Variants in PLXNA2 observed in about 807,000 individuals in gnomAD.
The protein encoded by PLXNA2 is plexin-A2.
A neutral mutation model predicts 193.5 loss-of-function variants in PLXNA2; 91 were observed. The ratio of observed to expected loss-of-function variants is 0.47; its 90% CI spans 0.40 to 0.56. PLXNA2 has a LOEUF of 0.56. Ranked by LOEUF, PLXNA2 falls within the 20% of genes least tolerant of loss-of-function variation. PLXNA2 has a pLI of 0.00. For missense variants in PLXNA2, 1,995 were observed against 2,503.2 expected, an observed-to-expected ratio of 0.80 and a Z score of 4.33; for synonymous variants, 997 against 1,027.3, an observed-to-expected ratio of 0.97 and a Z score of 0.56.
At chr1:208,196,312 ACT>A (rs1327009030) in intron 3 of PLXNA2, among the ~76,000 whole-genome samples, 2 of 152,154 alleles carry the variant, frequency 1.3e-5, no homozygotes, top group Non-Finnish European at 2.9e-5. Context: ...AACCAAACAC[ACT>A]GTTTCCTAGG....
intron 11 of PLXNA2, among the ~76,000 whole-genome samples, chr1:208,081,286 T>C (rs1278780604): frequency 1.3e-5 from 2 of 152,230 alleles, no homozygotes; most frequent in African/African-American, 4.8e-5. Context: ...TTGATTTTAA[T>C]GGCAGCATTT....
In PLXNA2 at chr1:208,142,442, G is replaced by T. The variant is rs200374067; in HGVS notation, c.1393C>A (p.His465Asn). Reference sequence around the variant, plus strand: ...ACCATCTCGTACTGGACCCCACCATGGGGGGGACCGTCGGCCCGAATCTGT... The same window carrying T: ...ACCATCTCGTACTGGACCCCACCATTGGGGGGACCGTCGGCCCGAATCTGT... ...LKKIRADGPP[H>N]GGVQYEMVSV... Residue 465 changes from histidine (H) to asparagine (N), a missense_variant, in exon 4 of 32, where the codon CAT (histidine) becomes AAT (asparagine). By Grantham distance (68) the His-to-Asn change is moderately conservative (BLOSUM62 1). Transcript: ENST00000367033. 2 of 1,608,076 alleles carry T rather than the reference G, an allele frequency of 1.2e-6. No individual in the cohort carries two copies. Among genetic ancestry groups the T allele is most frequent in the African/African-American group, 1.3e-5 (1 of 74,594 alleles).
intron 12 of PLXNA2, among the ~76,000 whole-genome samples, chr1:208,062,806 C>T (rs1665660093): frequency 6.6e-6 from 1 of 152,140 alleles, no homozygotes; most frequent in Admixed American, 6.6e-5. Context: ...CTGACAGCCA[C>T]TATAGCTCAT....
rs1571835472 is a variant in PLXNA2 at position 208,026,990 on chromosome 1, C to T, written c.*253G>A. On this transcript the variant is annotated 3_prime_UTR_variant, in exon 32 of 32. Transcript: ENST00000367033. ...AGCTCGTGCCTCTCGGCTTGAAGAACCACCTTCTCCCGGCCCCGGGTTCTC... is the reference window on the plus strand; with the variant it reads ...AGCTCGTGCCTCTCGGCTTGAAGAATCACCTTCTCCCGGCCCCGGGTTCTC... The T allele has an allele frequency of 2.5e-6, 1 of 398,416 alleles. No homozygotes were observed. The highest frequency in any genetic ancestry group is 4.4e-5 in the East Asian group (1 of 22,934). 24.7% of individuals were successfully genotyped at this position (398,416 alleles called of 1,614,324 possible).
rs147356439 is a variant in PLXNA2 at position 208,150,657 on chromosome 1, C to G, written c.1372-8194G>C. ...GTTTCTAAATTGTGGCGTCTCTGCTCCCTCATCAGACAAGGGTGGATGAGG... is the reference window on the plus strand; with the variant it reads ...GTTTCTAAATTGTGGCGTCTCTGCTGCCTCATCAGACAAGGGTGGATGAGG... On this transcript the variant is annotated intron_variant, in intron 3 of 31. Transcript: ENST00000367033. Among the ~76,000 whole-genome samples the G allele has an allele frequency of 3.6e-4, 55 of 152,252 alleles. 2 individuals are homozygous for G. The East Asian group carries it at 0.01, about 28-fold the overall frequency.
intron 3 of PLXNA2, among the ~76,000 whole-genome samples, chr1:208,159,997 A>G (rs1362058661): frequency 6.6e-6 from 1 of 152,116 alleles, no homozygotes; most frequent in Non-Finnish European, 1.5e-5. Flanking sequence ...CCATGGATGG[A>G]TTCCAGATGG....
intron 6 of PLXNA2, among the ~76,000 whole-genome samples, chr1:208,098,314 G>A: frequency 6.6e-6 from 1 of 152,164 alleles, no homozygotes; most frequent in East Asian, 1.9e-4. Context: ...CTGAGGACAT[G>A]AAATATTTTG....
intron 3 of PLXNA2, among the ~76,000 whole-genome samples, chr1:208,143,247 T>A (rs976776945): frequency 6.6e-6 from 1 of 152,218 alleles, no homozygotes; most frequent in Non-Finnish European, 1.5e-5. Context: ...GTGAATTTAA[T>A]GAGTAGCCAG....
chr1:208,070,941 G>A (rs915899045), intron 12 of PLXNA2, among the ~76,000 whole-genome samples: 2 of 152,210 alleles, frequency 1.3e-5, no homozygotes, highest in East Asian at 1.9e-4. Flanking sequence ...TTGTTTTCAC[G>A]AGCGTCCTGT....
intron 3 of PLXNA2, among the ~76,000 whole-genome samples, chr1:208,154,863 A>G (rs1418835883): frequency 6.6e-6 from 1 of 152,242 alleles, no homozygotes; most frequent in Admixed American, 6.5e-5. Context: ...ACATGCCAGC[A>G]TGACAAGGCA....
chr1:208,234,248 C>G (rs1201734414), intron 1 of PLXNA2, among the ~76,000 whole-genome samples: 3 of 152,192 alleles, frequency 2.0e-5, no homozygotes, highest in Non-Finnish European at 2.9e-5. Context: ...TTCACATCCA[C>G]TGTGTGGGCC....
intron 4 of PLXNA2, among the ~76,000 whole-genome samples, chr1:208,108,008 A>C (rs1396427644): frequency 6.6e-6 from 1 of 152,148 alleles, no homozygotes; most frequent in Non-Finnish European, 1.5e-5. Flanking sequence ...CTCTTATTTA[A>C]AGGTGACTCA....
chr1:208,107,314 T>A (rs1477594157), intron 4 of PLXNA2, among the ~76,000 whole-genome samples: 1 of 152,168 alleles, frequency 6.6e-6, no homozygotes, highest in Non-Finnish European at 1.5e-5. Context: ...TCCGAGTGGG[T>A]CTTTTTAAAT....
chr1:208,111,903 G>T (rs899187533), intron 4 of PLXNA2, among the ~76,000 whole-genome samples: 1 of 152,196 alleles, frequency 6.6e-6, no homozygotes, highest in African/African-American at 2.4e-5. Context: ...ACAGCTGGAG[G>T]TTCCGGAGAC....
intron 4 of PLXNA2, among the ~76,000 whole-genome samples, chr1:208,109,076 C>T (rs563390626): frequency 2.6e-5 from 4 of 152,328 alleles, no homozygotes; most frequent in East Asian, 1.9e-4. Flanking sequence ...TGTCCTCACA[C>T]GTGTCCCCTG....
At chr1:208,177,105 C>T (rs1028493304) in intron 3 of PLXNA2, among the ~76,000 whole-genome samples, 5 of 152,176 alleles carry the variant, frequency 3.3e-5, no homozygotes. Flanking sequence ...GCTTTAGGGC[C>T]TCAGCACTGG....
chr1:208,213,475 A>C (rs1372488848), intron 2 of PLXNA2, among the ~76,000 whole-genome samples: 1 of 152,210 alleles, frequency 6.6e-6, no homozygotes, highest in Non-Finnish European at 1.5e-5. Context: ...AAAATGGGGA[A>C]GATAACTCTT....
chr1:208,060,597 A>G, intron 13 of PLXNA2, 89 bp downstream of exon 13: 4 of 1,339,196 alleles, frequency 3.0e-6, no homozygotes, highest in Non-Finnish European at 4.1e-6. Context: ...GAGATCAATC[A>G]TGGAAAAGGC....
intron 17 of PLXNA2, among the ~76,000 whole-genome samples, chr1:208,046,633 C>T (rs1319469307): frequency 6.8e-6 from 1 of 147,636 alleles, no homozygotes; most frequent in Non-Finnish European, 1.5e-5. Flanking sequence ...GAAGTTTTCC[C>T]ATGGAAGAAA....
Sources: allele counts gnomAD v4.1 joint callset (sites outside exome capture counted in the v4.1 genomes callset), GRCh38; gene constraint gnomAD v4.1.1; transcripts MANE v1.5; gene names NCBI Gene and HGNC (gene_info 2026-07-23, HGNC 2026-07-21).